The following UBR1 variants were observed in gnomAD, a reference collection of about 807,000 sequenced individuals.
The protein encoded by UBR1 is E3 ubiquitin-protein ligase UBR1.
A neutral mutation model predicts 242.1 loss-of-function variants in UBR1; 102 were observed. The observed-to-expected ratio is 0.42, with a 90% CI of 0.36 to 0.50. UBR1 has a LOEUF of 0.50. Among genes scored for constraint, UBR1 ranks in the 20% least tolerant of loss-of-function variants. The pLI is 0.01. For synonymous variants in UBR1, 675 were observed against 684.8 expected (o/e 0.99, Z 0.22); for missense variants, 1,772 against 2,101.8 (o/e 0.84, Z 3.07).
chr15:43,035,350 T>C (rs987502005), intron 19 of UBR1, among the ~76,000 whole-genome samples: 2 of 152,256 alleles, frequency 1.3e-5, no homozygotes, highest in South Asian at 2.1e-4. Context: ...TGTATATATG[T>C]GTGCCATATG....
intron 33 of UBR1, among the ~76,000 whole-genome samples, chr15:42,994,500 A>T (rs2141279682): frequency 6.6e-6 from 1 of 152,200 alleles, no homozygotes; most frequent in Middle Eastern, 3.4e-3. Flanking sequence ...AAATTCTCTA[A>T]GTCCTTATTT....
chr15:42,986,641 T>C lies in UBR1; in HGVS notation c.3998-1699A>G, dbSNP rs146369763. ...CTCACCTTTCCTATATCCCACTTGA[T>C]TGAATCATAGCAAATATAAACTGAT... On this transcript the variant is annotated intron_variant, in intron 35 of 46. Transcript: ENST00000290650. Among the ~76,000 whole-genome samples the C allele has an allele frequency of 1.8e-4, 28 of 152,348 alleles. No homozygotes were observed. The East Asian group carries it at 5.0e-3, about 27-fold the overall frequency.
In UBR1 at chr15:43,030,054, G is replaced by A; in HGVS notation, c.2269C>T (p.Pro757Ser). ...TCTTTGGTCACATTTCCCACTCCAGGTACATAACGCTCACCTAGTTCAAAT... is the reference window on the plus strand; with the variant it reads ...TCTTTGGTCACATTTCCCACTCCAGATACATAACGCTCACCTAGTTCAAAT... ...LIYIVGERYV[P>S]GVGNVTKEEV... The change falls in exon 21 of 47, where the codon CCT (proline) becomes TCT (serine). Residue 757 changes from proline to serine, a missense_variant. This residue lies in a region of UBR1 where 73 missense variants were observed against 128.9 expected (regional missense o/e 0.57). Transcript: ENST00000290650. The A allele has an allele frequency of 6.2e-7, 1 of 1,613,612 alleles. No homozygotes were observed.
At chr15:43,058,791 T>C (rs1323903671) in intron 9 of UBR1, among the ~76,000 whole-genome samples, 1 of 152,196 alleles carries the variant, frequency 6.6e-6, no homozygotes, top group Non-Finnish European at 1.5e-5. Flanking sequence ...CGCTACTCGA[T>C]AATGGCACTA....
At chr15:43,026,397 G>A in intron 23 of UBR1, 164 bp downstream of exon 23, 2 of 603,886 alleles carry the variant, frequency 3.3e-6, no homozygotes, top group East Asian at 2.9e-5. Context: ...AATATTGCCT[G>A]TATACTAGAT....
chr15:43,059,775 G>A lies in UBR1; in HGVS notation c.912C>T (p.His304=), dbSNP rs1280325469. 1 of 1,613,912 alleles carries A rather than the reference G, an allele frequency of 6.2e-7. No homozygotes were observed. Among genetic ancestry groups the A allele is most frequent in the Non-Finnish European group, 8.5e-7 (1 of 1,179,984 alleles). The change falls in exon 8 of 47, where the codon CAC becomes CAT. Residue 304 remains histidine (H), a synonymous_variant. Transcript: ENST00000290650. ...SQHPLHVEVL[H]SEIMAHQKFA... ...ATTTCTGATGAGCCATAATCTCTGA[G>A]TGTAATACTTCTACATGAAGTGGAT...
rs770642267 is a variant in UBR1, at chr15:43,017,132, G to A, written c.2990C>T (p.Ala997Val). The A allele has an allele frequency of 1.2e-6, 2 of 1,613,736 alleles. No homozygotes were observed. Among genetic ancestry groups the A allele is most frequent in the South Asian group, 2.2e-5 (2 of 91,076 alleles). The change falls in exon 28 of 47, where the codon GCA becomes GTA. Residue 997 changes from alanine to valine, a missense_variant. Transcript: ENST00000290650. ...RLREKSCLIV[A>V]TTSGSESIKN... The stretch of plus-strand genomic sequence containing the variant: ...AATAGATTCCGATCCTGATGTGGTT[G>A]CTACAATTAAACAAGATTTTTCTCT...
At chr15:43,043,774 C>G (rs2033450002) in intron 14 of UBR1, among the ~76,000 whole-genome samples, 2 of 152,144 alleles carry the variant, frequency 1.3e-5, no homozygotes, top group African/African-American at 4.8e-5. Flanking sequence ...TAAATATTTA[C>G]TAAATATGAG....
In UBR1 at chr15:42,945,378, C is replaced by T. The variant is rs775902455; in HGVS notation, c.5201G>A (p.Ser1734Asn). The T allele has an allele frequency of 1.2e-6, 2 of 1,614,160 alleles. No homozygotes were observed. Among genetic ancestry groups the T allele is most frequent in the Non-Finnish European group, 1.7e-6 (2 of 1,180,040 alleles). Residue 1734 changes from serine (S) to asparagine (N), a missense_variant, in exon 47 of 47, where the codon AGC becomes AAC. Ser to Asn is a conservative substitution (Grantham distance 46). This residue lies in a region of UBR1 where 965 missense variants were observed against 1,079.7 expected (regional missense o/e 0.89). Transcript: ENST00000290650. ...QHCIIEEIARSQETNQMLFGF... is the reference protein window; with the variant it reads ...QHCIIEEIARNQETNQMLFGF... The stretch of plus-strand genomic sequence containing the variant: ...AAATAACATCTGATTAGTCTCTTGG[C>T]TCCTAGCAATCTCTTCTATAATGCA...
intron 21 of UBR1, among the ~76,000 whole-genome samples, chr15:43,029,138 CAT>C (rs975039148): frequency 6.6e-5 from 10 of 152,128 alleles, no homozygotes; most frequent in Non-Finnish European, 1.5e-4. Context: ...CACACACACA[CAT>C]CTCTATTCTA....
intron 44 of UBR1, among the ~76,000 whole-genome samples, chr15:42,953,820 T>TCACAA (rs2031872658): frequency 6.6e-6 from 1 of 152,050 alleles, no homozygotes; most frequent in Admixed American, 6.6e-5. Context: ...AGGATCCTCA[T>TCACAA]TGTGATTAAT....
intron 1 of UBR1, among the ~76,000 whole-genome samples, chr15:43,089,831 T>C (rs968289513): frequency 6.6e-6 from 1 of 152,132 alleles, no homozygotes; most frequent in Non-Finnish European, 1.5e-5. Flanking sequence ...TTCCATACAA[T>C]AACTGCAAAG....
intron 12 of UBR1, 142 bp from the exon 13 acceptor site, chr15:43,048,633 G>T (rs930023141): frequency 4.4e-6 from 3 of 679,072 alleles, no homozygotes; most frequent in South Asian, 3.7e-5. Context: ...AGTAGAGCTA[G>T]AATTATTTAT....
At chr15:42,974,177 C>T (rs1271372707) in intron 39 of UBR1, among the ~76,000 whole-genome samples, 5 of 152,132 alleles carry the variant, frequency 3.3e-5, no homozygotes, top group South Asian at 2.1e-4. Context: ...CGTGAGCCAC[C>T]GTGCCCAGCC....
At chr15:43,010,849 G>T (rs149214261) in intron 29 of UBR1, among the ~76,000 whole-genome samples, 11 of 151,120 alleles carry the variant, frequency 7.3e-5, no homozygotes, top group Admixed American at 2.0e-4. Context: ...AAATAGCCAG[G>T]TGTGGTGGTG....
At chr15:42,953,678 G>A (rs1229621507) in intron 44 of UBR1, among the ~76,000 whole-genome samples, 1 of 152,146 alleles carries the variant, frequency 6.6e-6, no homozygotes, top group East Asian at 1.9e-4. Context: ...TAAAGTATAT[G>A]ACTGAGCAGC....
In UBR1 at chr15:43,058,445, G is replaced by T; in HGVS notation, c.1094-16C>A. On this transcript the variant is annotated splice_polypyrimidine_tract_variant and intron_variant, in intron 9 of 46. Coordinates refer to ENST00000290650, the MANE Select transcript of UBR1 (RefSeq NM_174916.3). The stretch of plus-strand genomic sequence containing the variant: ...TTACGGGCACCTATAGATTATTTTG[G>T]GGAGGGTGGGGGAATGAGGAGAATC... The T allele has an allele frequency of 6.3e-7, 1 of 1,590,992 alleles. No individual in the cohort carries two copies. The highest frequency in any genetic ancestry group is 8.6e-7 in the Non-Finnish European group (1 of 1,162,522).
At chr15:43,041,889 G>A (rs527453832) in intron 15 of UBR1, among the ~76,000 whole-genome samples, 60 of 152,164 alleles carry the variant, frequency 3.9e-4, no homozygotes, top group Admixed American at 2.5e-3. Flanking sequence ...AGTTCTCCAA[G>A]GAAGATATAC....
At chr15:43,048,527 T>C in intron 12 of UBR1, 36 bp from the exon 13 acceptor site, 3 of 1,526,070 alleles carry the variant, frequency 2.0e-6, no homozygotes, top group South Asian at 2.3e-5. Context: ...ATTTCATTTA[T>C]CTATTTTGAG....
Sources: gnomAD v4.1 joint callset for allele counts (sites outside exome capture counted in the v4.1 genomes callset) on GRCh38, gnomAD v4.1.1 for gene constraint, gnomAD v4.1.1 regional missense constraint, MANE v1.5 for transcripts, NCBI Gene and HGNC (gene_info 2026-07-23, HGNC 2026-07-21) for gene names.